Variants in TACR3 observed in about 807,000 individuals in gnomAD.
TACR3 encodes the protein tachykinin receptor 3.
TACR3 carries 34 observed loss-of-function variants against 35.0 expected under a neutral mutation model. The ratio of observed to expected loss-of-function variants is 0.97; its 90% CI spans 0.74 to 1.30. TACR3 has a LOEUF of 1.30. Ranked by LOEUF, TACR3 falls within the 50% of genes most tolerant of loss-of-function variation. The probability of loss-of-function intolerance (pLI) is 0.00; values close to 1 mark genes in which losing one functional copy is unlikely to be tolerated. For synonymous variants in TACR3, 233 were observed against 221.1 expected, an observed-to-expected ratio of 1.05 and a Z score of -0.48; for missense variants, 558 against 591.7, an observed-to-expected ratio of 0.94 and a Z score of 0.59.
In TACR3 at chr4:103,653,307, C is replaced by T. The variant is rs1262166045; in HGVS notation, c.888+2887G>A. ...CTTACTCTCACCATTTATTTAGAGA[C>T]AAAATTAAAAAAAAAATCCCTCTTC... On this transcript the variant is annotated intron_variant, in intron 3 of 4. Transcript: ENST00000304883. Among the ~76,000 whole-genome samples, 11 of 150,722 alleles carry T rather than the reference C, an allele frequency of 7.3e-5. No individual in the cohort carries two copies. The South Asian group carries it at 2.3e-3, about 31-fold the overall frequency.
At chr4:103,714,501 CCAAA>C (rs1010148511) in intron 1 of TACR3, among the ~76,000 whole-genome samples, 12 of 152,040 alleles carry the variant, frequency 7.9e-5, no homozygotes, top group Non-Finnish European at 1.8e-4. Context: ...TTAGAAAGAG[CCAAA>C]CAGTTATGAT....
intron 1 of TACR3, among the ~76,000 whole-genome samples, chr4:103,668,955 C>T (rs1034090630): frequency 6.6e-6 from 1 of 151,854 alleles, no homozygotes; most frequent in African/African-American, 2.4e-5. Context: ...TCCATCAGCT[C>T]AAGGATTTAT....
intron 1 of TACR3, among the ~76,000 whole-genome samples, chr4:103,662,413 G>C (rs563634174): frequency 1.3e-5 from 2 of 152,008 alleles, no homozygotes; most frequent in African/African-American, 4.8e-5. Flanking sequence ...TAGAGAGGGG[G>C]TTTCCCATAT....
At chr4:103,635,509 A>G (rs3796969) in intron 3 of TACR3, among the ~76,000 whole-genome samples, 65,909 of 151,812 alleles carry the variant, frequency 0.43, 17,219 homozygotes, top group African/African-American at 0.75. Context: ...AAGCCTTCCC[A>G]TGCTTAATAT....
intron 3 of TACR3, among the ~76,000 whole-genome samples, chr4:103,629,686 A>G (rs1724998112): frequency 6.6e-6 from 1 of 152,070 alleles, no homozygotes; most frequent in Admixed American, 6.6e-5. Context: ...GGGTAGGAAG[A>G]ATTAATATCG....
intron 1 of TACR3, among the ~76,000 whole-genome samples, chr4:103,670,066 T>C (rs1024781720): frequency 5.3e-5 from 8 of 151,976 alleles, no homozygotes; most frequent in Admixed American, 3.3e-4. Flanking sequence ...CCATTTGTTA[T>C]ATGGTCATTT....
intron 1 of TACR3, among the ~76,000 whole-genome samples, chr4:103,687,695 G>A (rs1282353329): frequency 3.3e-5 from 5 of 152,098 alleles, no homozygotes; most frequent in Non-Finnish European, 4.4e-5. Context: ...TATAAGGGAC[G>A]TGAAGGACCT....
At chr4:103,656,113 T>C in intron 3 of TACR3, 81 bp downstream of exon 3, 2 of 1,528,078 alleles carry the variant, frequency 1.3e-6, no homozygotes, top group Non-Finnish European at 1.8e-6. Context: ...CATATTGTAT[T>C]AACATGCCAT....
rs546970408 is a variant in TACR3, at chr4:103,700,458, T to C, written c.548+18670A>G. On this transcript the variant is annotated intron_variant, in intron 1 of 4. Coordinates refer to ENST00000304883, the MANE Select transcript of TACR3 (RefSeq NM_001059.3). ...ATAATACAAGCTCAAAATAATGAAC[T>C]TAAGCAAATATTAAAATCCTGTGTG... is the stretch of plus-strand genomic sequence containing the variant. 4.0e-4 allele frequency among the ~76,000 whole-genome samples: 61 copies of C among 152,240 alleles called. No individual in the cohort carries two copies. In the South Asian group the frequency reaches 0.012, roughly 30 times the overall value.
At chr4:103,622,360 C>T (rs143017339) in intron 3 of TACR3, among the ~76,000 whole-genome samples, 18 of 152,206 alleles carry the variant, frequency 1.2e-4, no homozygotes, top group Non-Finnish European at 2.2e-4. Context: ...GTTTCATTGA[C>T]GGAGGACTAC....
chr4:103,677,161 A>C (rs1726187369), intron 1 of TACR3, among the ~76,000 whole-genome samples: 2 of 152,202 alleles, frequency 1.3e-5, no homozygotes, highest in African/African-American at 4.8e-5. Flanking sequence ...ACAATGAGAT[A>C]CCGTCTCACA....
intron 1 of TACR3, among the ~76,000 whole-genome samples, chr4:103,707,586 A>G (rs2110228140): frequency 6.6e-6 from 1 of 152,278 alleles, no homozygotes; most frequent in Non-Finnish European, 1.5e-5. Flanking sequence ...GACGCAGAAG[A>G]TGGGTGATTT....
chr4:103,646,722 T>A (rs944275422), intron 3 of TACR3, among the ~76,000 whole-genome samples: 1 of 151,908 alleles, frequency 6.6e-6, no homozygotes, highest in Non-Finnish European at 1.5e-5. Flanking sequence ...CAACCTGAGA[T>A]GGAATGAAGT....
At chr4:103,647,760 T>C (rs1168711764) in intron 3 of TACR3, among the ~76,000 whole-genome samples, 1 of 152,002 alleles carries the variant, frequency 6.6e-6, no homozygotes, top group Admixed American at 6.6e-5. Flanking sequence ...GCTATCAGCT[T>C]ATTTCTCAAG....
rs75292983 is a variant in TACR3, at chr4:103,631,529, T to C, written c.888+24665A>G. Among the ~76,000 whole-genome samples the C allele has an allele frequency of 6.2e-3, 948 of 152,266 alleles. 7 individuals are homozygous for C. The highest frequency in any genetic ancestry group is 0.021 in the African/African-American group (884 of 41,550). On this transcript the variant is annotated intron_variant, in intron 3 of 4. Coordinates refer to ENST00000304883, the MANE Select transcript of TACR3 (RefSeq NM_001059.3). Reference sequence around the variant, plus strand: ...AAGTTTAATTCATTTAGCAGTAAGATGAATAGGCCTTACTTTCAGTCCTGA... The same window carrying C: ...AAGTTTAATTCATTTAGCAGTAAGACGAATAGGCCTTACTTTCAGTCCTGA...
At position 103,681,944 on chromosome 4, in the gene TACR3, A is replaced by G. The variant is rs183912180; in HGVS notation, c.549-23541T>C. Among the ~76,000 whole-genome samples, 656 of 152,322 alleles carry G rather than the reference A, an allele frequency of 4.3e-3. 7 individuals carry two copies. The highest frequency in any genetic ancestry group is 0.015 in the African/African-American group (630 of 41,574). ...TGGAATTAAACTGGAAATCAATAAC[A>G]GGAAAGAGAAAAATTTCCAAACTTG... On this transcript the variant is annotated intron_variant, in intron 1 of 4. Coordinates refer to ENST00000304883, the MANE Select transcript of TACR3 (RefSeq NM_001059.3).
intron 1 of TACR3, among the ~76,000 whole-genome samples, chr4:103,663,268 C>T (rs897782576): frequency 9.2e-5 from 14 of 152,186 alleles, no homozygotes; most frequent in Middle Eastern, 3.4e-3. Context: ...CCAAGGTGGG[C>T]GGATCACTTG....
At chr4:103,705,790 C>G (rs1722774461) in intron 1 of TACR3, among the ~76,000 whole-genome samples, 1 of 152,052 alleles carries the variant, frequency 6.6e-6, no homozygotes, top group Non-Finnish European at 1.5e-5. Context: ...ATAGGATCAT[C>G]CATTTATGAA....
At chr4:103,630,039 A>G (rs1309257282) in intron 3 of TACR3, among the ~76,000 whole-genome samples, 1 of 152,114 alleles carries the variant, frequency 6.6e-6, no homozygotes, top group Admixed American at 6.5e-5. Context: ...AACACCGCAC[A>G]TCTACAACCA....
Sources: gnomAD v4.1 joint callset for allele counts (sites outside exome capture counted in the v4.1 genomes callset) on GRCh38, gnomAD v4.1.1 for gene constraint, MANE v1.5 for transcripts, NCBI Gene and HGNC (gene_info 2026-07-23, HGNC 2026-07-21) for gene names.